SLC26A5: variants seen among roughly 807,000 people sequenced by gnomAD.
SLC26A5 encodes the protein solute carrier family 26 member 5.
A neutral mutation model predicts 81.0 loss-of-function variants in SLC26A5; 51 were observed. That is an observed-to-expected ratio of 0.63 (90% CI 0.50 to 0.80). The LOEUF (loss-of-function observed/expected upper bound fraction) is 0.80. Ranked by LOEUF, SLC26A5 falls within the 30% of genes least tolerant of loss-of-function variation. The pLI, the probability that SLC26A5 is intolerant of heterozygous loss-of-function variation, is 0.00. For synonymous variants in SLC26A5, 325 were observed against 332.8 expected (o/e 0.98, Z 0.25); for missense variants, 771 against 905.8 (o/e 0.85, Z 1.91).
intron 19 of SLC26A5, among the ~76,000 whole-genome samples, chr7:103,359,601 C>A (rs1408444342): frequency 6.6e-6 from 1 of 152,168 alleles, no homozygotes; most frequent in Non-Finnish European, 1.5e-5. Flanking sequence ...TGGCTTCCTT[C>A]ACTTAGCATA....
intron 14 of SLC26A5, among the ~76,000 whole-genome samples, chr7:103,385,499 A>G (rs964464030): frequency 2.6e-5 from 4 of 151,754 alleles, no homozygotes; most frequent in African/African-American, 9.7e-5. Context: ...GTGCACCTCT[A>G]CCCCTCTCCA....
In SLC26A5 at chr7:103,384,153, A is replaced by AT. The variant is rs869182707; in HGVS notation, c.1515-3605dup. On this transcript the variant is annotated intron_variant, in intron 14 of 19. Coordinates refer to ENST00000306312, the MANE Select transcript of SLC26A5 (RefSeq NM_198999.3). Reference sequence around the variant, plus strand: ...CTCTAAAAACAATAAAATAAAAAAAATTTTTTTTTTGGTAGAGGCATGGTC... The same window carrying AT: ...CTCTAAAAACAATAAAATAAAAAAAATTTTTTTTTTTGGTAGAGGCATGGTC... Among the ~76,000 whole-genome samples the AT allele has an allele frequency of 1.7e-4, 26 of 149,866 alleles. 1 individual carries two copies. The highest frequency in any genetic ancestry group is 4.2e-4 in the South Asian group (2 of 4,722).
chr7:103,371,615 C>G (rs1037197065), downstream of SLC26A5, among the ~76,000 whole-genome samples: 3 of 151,838 alleles, frequency 2.0e-5, no homozygotes, highest in Non-Finnish European at 4.4e-5. Flanking sequence ...TGAGCCACTG[C>G]GCCTGGCCTG....
intron 1 of SLC26A5, among the ~76,000 whole-genome samples, chr7:103,443,856 T>G (rs12111815): frequency 0.017 from 2,526 of 152,346 alleles, 64 homozygotes; most frequent in African/African-American, 0.058. Flanking sequence ...TGAAGTGAGC[T>G]TTCATAACCT....
chr7:103,389,055 G>T lies in SLC26A5; in HGVS notation c.1467C>A (p.Ile489=). ...TCAGCAGAGCAATGATCACAGCAGTGATCAAACCATAGTCCAATCCCAGGA... is the reference window on the plus strand; with the variant it reads ...TCAGCAGAGCAATGATCACAGCAGTTATCAAACCATAGTCCAATCCCAGGA... ...SLFLGLDYGL[I]TAVIIALLTV... Residue 489 remains isoleucine, a synonymous_variant, in exon 14 of 20, where the codon ATC becomes ATA. Transcript: ENST00000306312. The T allele has an allele frequency of 1.2e-6, 2 of 1,613,774 alleles. No homozygotes were observed. Among genetic ancestry groups the T allele is most frequent in the South Asian group, 2.2e-5 (2 of 90,948 alleles).
At chr7:103,364,981 A>ATATTTATT (rs1554575488) in intron 19 of SLC26A5, among the ~76,000 whole-genome samples, 6 of 140,774 alleles carry the variant, frequency 4.3e-5, no homozygotes, top group African/African-American at 1.6e-4. Context: ...ATATATATAT[A>ATATTTATT]TATTTAGAGA....
chr7:103,361,820 G>A, intron 19 of SLC26A5: 1 of 787,398 alleles, frequency 1.3e-6, no homozygotes, highest in Non-Finnish European at 1.8e-6. Flanking sequence ...GTATAGAAAA[G>A]GATCTTTAAC....
intron 4 of SLC26A5, among the ~76,000 whole-genome samples, chr7:103,419,618 A>G (rs1825180279): frequency 6.6e-6 from 1 of 150,528 alleles, no homozygotes; most frequent in Non-Finnish European, 1.5e-5. Flanking sequence ...GCTCACCGCA[A>G]CCTCCACCTC....
At chr7:103,374,176 C>A, downstream of SLC26A5, 1 of 1,331,640 alleles carries the variant, frequency 7.5e-7, no homozygotes, top group Non-Finnish European at 9.6e-7. Flanking sequence ...GCAGAAATGT[C>A]TCTCCATAAT....
intron 19 of SLC26A5, among the ~76,000 whole-genome samples, chr7:103,359,409 G>T (rs1466753878): frequency 1.3e-5 from 2 of 151,944 alleles, no homozygotes; most frequent in African/African-American, 4.8e-5. Context: ...AGAAAATTGT[G>T]CATTGATCAT....
chr7:103,375,197 AC>A (rs1253663717), intron 19 of SLC26A5, among the ~76,000 whole-genome samples: 2 of 150,454 alleles, frequency 1.3e-5, no homozygotes, highest in African/African-American at 2.4e-5. Flanking sequence ...ATAATTCTGA[AC>A]CCTTTTTGCT....
At chr7:103,361,879 C>G (rs1260327400) in intron 19 of SLC26A5, 1 of 1,402,698 alleles carries the variant, frequency 7.1e-7, no homozygotes, top group East Asian at 2.3e-5. Flanking sequence ...ATTGCACACT[C>G]AGGATATAAT....
At chr7:103,352,769 A>G (rs1819793733) in exon 20 of SLC26A5, 1 of 753,696 alleles carries the variant, frequency 1.3e-6, no homozygotes, top group Non-Finnish European at 2.5e-6. Context: ...AGAGAAAACA[A>G]AGTTCAGAAG....
chr7:103,405,658 G>T (rs1006999739), intron 8 of SLC26A5, among the ~76,000 whole-genome samples: 3 of 152,140 alleles, frequency 2.0e-5, no homozygotes, highest in African/African-American at 7.2e-5. Context: ...GGAGTTACGG[G>T]GGTCCCACTT....
In SLC26A5 at chr7:103,421,468, T is replaced by C. The variant is rs371296328; in HGVS notation, c.47A>G (p.Tyr16Cys). ...ENEILAATQR[Y>C]YVERPIFSHP... ...ACTAAAGATAGGCCTTTCCACATAGTACCTCTGGGTTGCTGCAAGGATTTC... is the reference window on the plus strand; with the variant it reads ...ACTAAAGATAGGCCTTTCCACATAGCACCTCTGGGTTGCTGCAAGGATTTC... Residue 16 changes from tyrosine (Y) to cysteine (C), a missense_variant, in exon 3 of 20, where the codon TAC becomes TGC. By Grantham distance (194) the Tyr-to-Cys change is radical (BLOSUM62 -2). Transcript: ENST00000306312. 5 of 1,613,968 alleles carry C rather than the reference T, an allele frequency of 3.1e-6. No individual in the cohort carries two copies. Among genetic ancestry groups the C allele is most frequent in the Admixed American group, 1.7e-5 (1 of 60,008 alleles).
At chr7:103,425,013 T>C (rs1825616338) in intron 2 of SLC26A5, among the ~76,000 whole-genome samples, 1 of 152,208 alleles carries the variant, frequency 6.6e-6, no homozygotes, top group Non-Finnish European at 1.5e-5. Context: ...CACTGTAGCA[T>C]AGCAGAGAAA....
chr7:103,392,800 A>G lies in SLC26A5; in HGVS notation c.1119+119T>C, dbSNP rs550249738. The G allele has an allele frequency of 1.7e-5, 22 of 1,261,056 alleles. No individual in the cohort carries two copies. In the East Asian group the frequency reaches 4.6e-4, roughly 26 times the overall value. The allele number at this position is 1,261,056 out of a possible 1,614,324, so 78.1% of individuals were successfully genotyped here. On this transcript the variant is annotated intron_variant, in intron 10 of 19. Coordinates refer to ENST00000306312, the MANE Select transcript of SLC26A5 (RefSeq NM_198999.3). ...CACCATGTTAGCCAGGATGGTCTCA[A>G]TCTCCTGACCTCATGATCCGCCTGC...
chr7:103,425,154 T>G (rs1029895385), intron 2 of SLC26A5, among the ~76,000 whole-genome samples: 1 of 152,176 alleles, frequency 6.6e-6, no homozygotes, highest in African/African-American at 2.4e-5. Flanking sequence ...TACCACTCCC[T>G]TATTTCTCCT....
intron 2 of SLC26A5, among the ~76,000 whole-genome samples, chr7:103,441,696 C>T (rs910867882): frequency 6.6e-6 from 1 of 152,186 alleles, no homozygotes; most frequent in Admixed American, 6.5e-5. Flanking sequence ...ATACTCAGAG[C>T]AGAGATGTTA....
Sources: gnomAD v4.1 joint callset for allele counts (sites outside exome capture counted in the v4.1 genomes callset) on GRCh38, gnomAD v4.1.1 for gene constraint, MANE v1.5 for transcripts, NCBI Gene and HGNC (gene_info 2026-07-23, HGNC 2026-07-21) for gene names.